KIF16B: variants seen among roughly 807,000 people sequenced by gnomAD.
The protein encoded by KIF16B is kinesin-like protein KIF16B.
A neutral mutation model predicts 156.3 loss-of-function variants in KIF16B; 98 were observed. The observed-to-expected ratio is 0.63, with a 90% CI of 0.53 to 0.74. The LOEUF is 0.74. Ranked by LOEUF, KIF16B falls within the 30% of genes least tolerant of loss-of-function variation. The pLI is 0.00. For missense variants in KIF16B, 1,421 were observed against 1,606.5 expected (o/e 0.88, Z 1.97); for synonymous variants, 564 against 583.7 (o/e 0.97, Z 0.49).
intron 15 of KIF16B, among the ~76,000 whole-genome samples, chr20:16,422,572 C>A (rs949952827): frequency 2.6e-5 from 4 of 152,190 alleles, no homozygotes; most frequent in African/African-American, 9.6e-5. Flanking sequence ...GTGGATCCAG[C>A]AGCCAGTATG....
At chr20:16,551,864 G>A (rs2070680780) in intron 1 of KIF16B, among the ~76,000 whole-genome samples, 1 of 152,154 alleles carries the variant, frequency 6.6e-6, no homozygotes, top group Admixed American at 6.5e-5. Flanking sequence ...CTACAGGAGG[G>A]CAAAGGAAGG....
chr20:16,504,376 T>C lies in KIF16B; in HGVS notation c.1172A>G (p.Asn391Ser). The change falls in exon 10 of 26, where the codon AAT becomes AGT. Residue 391 changes from asparagine to serine, a missense_variant. Transcript: ENST00000354981. ...TAAATCTCAGAAAAACCCAACCTGA[T>C]TCCCTTGAGCAAGCAGCGTTTTCAG... ...ARLKTLLAQG[N>S]QIALLDSPTA... The C allele has an allele frequency of 6.2e-7, 1 of 1,613,716 alleles. No individual in the cohort carries two copies. Among genetic ancestry groups the C allele is most frequent in the Non-Finnish European group, 8.5e-7 (1 of 1,179,726 alleles).
intron 24 of KIF16B, among the ~76,000 whole-genome samples, chr20:16,321,652 C>A (rs1437294356): frequency 6.6e-6 from 1 of 152,068 alleles, no homozygotes; most frequent in Non-Finnish European, 1.5e-5. Context: ...AGGTATCTTA[C>A]TTCCTATGAA....
chr20:16,446,789 A>C (rs1241338933), intron 12 of KIF16B, among the ~76,000 whole-genome samples: 1 of 152,194 alleles, frequency 6.6e-6, no homozygotes, highest in East Asian at 1.9e-4. Flanking sequence ...TTAGGCTTAA[A>C]CATCAGTAGG....
At chr20:16,281,645 C>T (rs1037527394) in intron 25 of KIF16B, among the ~76,000 whole-genome samples, 15 of 152,148 alleles carry the variant, frequency 9.9e-5, no homozygotes, top group African/African-American at 3.6e-4. Context: ...CCCAAATGTG[C>T]TCCACACTCC....
rs368146649 is a variant in KIF16B, at chr20:16,379,419, T to C, written c.2583A>G (p.Leu861=). 3.2e-5 allele frequency: 51 copies of C among 1,612,570 alleles called. No individual in the cohort carries two copies. In the South Asian group the frequency reaches 3.2e-4, roughly 10 times the overall value. Residue 861 remains leucine, a synonymous_variant, in exon 19 of 26, where the codon CTA becomes CTG. Transcript: ENST00000354981. ...TGTCATGTTCACATTTTAAACACTC[T>C]AGGATCTCCTGTTCTTCTTGGACTT... is the stretch of plus-strand genomic sequence containing the variant. ...KKEVQEEQEI[L]ECLKCEHDKE...
rs751510934 is a variant in KIF16B, at chr20:16,379,727, C to T, written c.2275G>A (p.Val759Ile). 2 of 1,614,194 alleles carry T rather than the reference C, an allele frequency of 1.2e-6. No individual in the cohort carries two copies. The highest frequency in any genetic ancestry group is 1.3e-5 in the African/African-American group (1 of 75,060). ...TCTTCCAGATGGGCCACGAGCATGA[C>T]CTGCTCCTTCTCCTGCTCCTCTAGT... is the stretch of plus-strand genomic sequence containing the variant. Reference protein sequence around the residue: ...KRLEEQEKEQVMLVAHLEEQL... With the variant: ...KRLEEQEKEQIMLVAHLEEQL... The change falls in exon 19 of 26, where the codon GTC (valine) becomes ATC (isoleucine). Residue 759 changes from valine (V) to isoleucine (I), a missense_variant. Transcript: ENST00000354981.
intron 12 of KIF16B, among the ~76,000 whole-genome samples, chr20:16,471,828 T>C (rs977643234): frequency 1.3e-5 from 2 of 152,258 alleles, no homozygotes; most frequent in African/African-American, 4.8e-5. Context: ...TTCAGAACTT[T>C]CCATATTTAT....
At chr20:16,477,179 T>G (rs962283926) in intron 12 of KIF16B, among the ~76,000 whole-genome samples, 3 of 147,376 alleles carry the variant, frequency 2.0e-5, no homozygotes, top group African/African-American at 7.6e-5. Flanking sequence ...GCCTTCAATT[T>G]CCTTGTGGGT....
chr20:16,418,087 T>C (rs947413604), intron 15 of KIF16B, among the ~76,000 whole-genome samples: 3 of 151,672 alleles, frequency 2.0e-5, no homozygotes, highest in Non-Finnish European at 4.4e-5. Context: ...CCAAGGCATA[T>C]TGTAAAGCCA....
At chr20:16,391,787 G>C (rs1480981881) in intron 17 of KIF16B, among the ~76,000 whole-genome samples, 15 of 152,198 alleles carry the variant, frequency 9.9e-5, no homozygotes, top group Non-Finnish European at 1.0e-4. Flanking sequence ...GGGCCTTTCA[G>C]GTCACAGAGG....
chr20:16,447,655 T>C (rs1376298566), intron 12 of KIF16B, among the ~76,000 whole-genome samples: 1 of 152,138 alleles, frequency 6.6e-6, no homozygotes, highest in Non-Finnish European at 1.5e-5. Flanking sequence ...CAAGCTCTAA[T>C]AAAAACTCTG....
At chr20:16,450,132 T>C (rs911996804) in intron 12 of KIF16B, among the ~76,000 whole-genome samples, 1 of 152,204 alleles carries the variant, frequency 6.6e-6, no homozygotes, top group Non-Finnish European at 1.5e-5. Context: ...TTTCCATAGA[T>C]TGGTAAAGTT....
chr20:16,434,507 T>TC (rs900877563), intron 12 of KIF16B, among the ~76,000 whole-genome samples: 3 of 150,834 alleles, frequency 2.0e-5, no homozygotes, highest in Non-Finnish European at 4.4e-5. Flanking sequence ...AAAAATCTAT[T>TC]TTTTCCCCCT....
chr20:16,347,736 A>C (rs2064260148), intron 23 of KIF16B, among the ~76,000 whole-genome samples: 4 of 152,200 alleles, frequency 2.6e-5, no homozygotes, highest in Admixed American at 2.6e-4. Flanking sequence ...TGAAGATTTA[A>C]ATCTAGGTGG....
At chr20:16,558,141 A>ACATCTGGAGAAAGAATCCG (rs2147339944) in intron 1 of KIF16B, among the ~76,000 whole-genome samples, 1 of 152,382 alleles carries the variant, frequency 6.6e-6, no homozygotes, top group South Asian at 2.1e-4. Context: ...GGAGATGCGG[A>ACATCTGGAGAAAGAATCCG]CATCTGGAGA....
chr20:16,282,843 C>T (rs1189672818), intron 25 of KIF16B, among the ~76,000 whole-genome samples: 1 of 152,168 alleles, frequency 6.6e-6, no homozygotes, highest in Non-Finnish European at 1.5e-5. Flanking sequence ...TGAAGTCCTG[C>T]CAGGCCTTCA....
intron 25 of KIF16B, among the ~76,000 whole-genome samples, chr20:16,281,956 T>C (rs1390746401): frequency 1.3e-5 from 2 of 152,030 alleles, no homozygotes; most frequent in Non-Finnish European, 2.9e-5. Flanking sequence ...ATGCACCCAA[T>C]AAGTACTTAC....
intron 11 of KIF16B, among the ~76,000 whole-genome samples, chr20:16,496,981 T>C (rs1468376055): frequency 1.3e-5 from 2 of 152,170 alleles, no homozygotes; most frequent in Non-Finnish European, 2.9e-5. Flanking sequence ...CTCCAAAAGT[T>C]GTTCTAATGT....
Sources: gnomAD v4.1 joint callset for allele counts (sites outside exome capture counted in the v4.1 genomes callset) on GRCh38, gnomAD v4.1.1 for gene constraint, MANE v1.5 for transcripts, NCBI Gene and HGNC (gene_info 2026-07-23, HGNC 2026-07-21) for gene names.